Variants in OR2T11 observed in about 807,000 individuals in gnomAD.
OR2T11 encodes the protein olfactory receptor family 2 subfamily T member 11.
Under a neutral mutation model 13.5 loss-of-function variants are expected in OR2T11, and 14 were observed. The observed-to-expected ratio is 1.04, with a 90% CI of 0.69 to 1.62. The LOEUF is 1.62. Ranked by LOEUF, OR2T11 falls within the 40% of genes most tolerant of loss-of-function variation. The probability of loss-of-function intolerance (pLI) is 0.00; values close to 1 mark genes in which losing one functional copy is unlikely to be tolerated. For missense variants in OR2T11, 410 were observed against 389.7 expected (o/e 1.05, Z -0.44); for synonymous variants, 163 against 154.6 (o/e 1.05, Z -0.40).
rs1371222922 is a variant in OR2T11 at position 248,625,615 on chromosome 1, A to G, written c.*563T>C. The G allele has an allele frequency of 1.4e-5, 2 of 145,738 alleles. No individual in the cohort carries two copies. The highest frequency in any genetic ancestry group is 3.0e-5 in the Non-Finnish European group (2 of 67,744). The allele number at this position is 145,738 out of a possible 1,614,324, so 9.0% of individuals were successfully genotyped here. ...AGTTCTGTTCAATTCACCACCATTTATTGTGGCCTAGTATTTGATAGCTGC... is the reference window on the plus strand; with the variant it reads ...AGTTCTGTTCAATTCACCACCATTTGTTGTGGCCTAGTATTTGATAGCTGC... On this transcript the variant is annotated 3_prime_UTR_variant, in exon 2 of 2. Coordinates refer to ENST00000641193, the MANE Select transcript of OR2T11 (RefSeq NM_001001964.2).
rs866384935 is a variant in OR2T11 at position 248,628,921 on chromosome 1, A to G, written c.-144-1649T>C. 7.7e-5 allele frequency among the ~76,000 whole-genome samples: 11 copies of G among 142,602 alleles called. 2 individuals are homozygous for G. The highest frequency in any genetic ancestry group is 1.4e-4 in the African/African-American group (5 of 36,014). The allele number at this position is 142,602 out of a possible 152,430, so 93.6% of individuals were successfully genotyped here. The stretch of plus-strand genomic sequence containing the variant: ...CTCCTGATCGTTTCAATTCTATTCC[A>G]TTTCCCAAGGATAGTGAACACAAAT... On this transcript the variant is annotated intron_variant, in intron 1 of 1. Coordinates refer to ENST00000641193, the MANE Select transcript of OR2T11 (RefSeq NM_001001964.2).
rs189040097 is a variant in OR2T11 at position 248,629,063 on chromosome 1, T to A, written c.-144-1791A>T. Among the ~76,000 whole-genome samples, 589 of 143,550 alleles carry A rather than the reference T, an allele frequency of 4.1e-3. 80 individuals carry two copies. The highest frequency in any genetic ancestry group is 6.5e-3 in the Non-Finnish European group (433 of 66,252). 94.2% of individuals were successfully genotyped at this position (143,550 alleles called of 152,430 possible). On this transcript the variant is annotated intron_variant, in intron 1 of 1. Coordinates refer to ENST00000641193, the MANE Select transcript of OR2T11 (RefSeq NM_001001964.2). ...CCCACACTAAGGAGAAGAGAGCACA[T>A]CTCTTTGTCATATTAAACAAATTCA... is the stretch of plus-strand genomic sequence containing the variant.
In OR2T11 at chr1:248,631,442, A is replaced by AGGC. The variant is rs1382895078; in HGVS notation, c.-145+3593_-145+3595dup. On this transcript the variant is annotated intron_variant, in intron 1 of 1. Transcript: ENST00000641193. ...GAGTCAGGTGGGAGGAGCTGGATCC[A>AGGC]GGCTCAAGGACTCAACTTTTGTTTT... Among the ~76,000 whole-genome samples the AGGC allele has an allele frequency of 8.4e-5, 12 of 142,810 alleles. 1 individual carries two copies. Among genetic ancestry groups the AGGC allele is most frequent in the Non-Finnish European group, 4.5e-5 (3 of 66,168 alleles). The allele number at this position is 142,810 out of a possible 152,430, so 93.7% of individuals were successfully genotyped here. A position where few individuals can be genotyped will look rare whatever the true frequency, so the allele number is the denominator to read the frequency against.
chr1:248,628,884 C>T lies in OR2T11; in HGVS notation c.-144-1612G>A, dbSNP rs553986184. Among the ~76,000 whole-genome samples, 3 of 143,268 alleles carry T rather than the reference C, an allele frequency of 2.1e-5. 1 individual carries two copies. The highest frequency in any genetic ancestry group is 2.0e-4 in the Admixed American group (3 of 14,692). 94.0% of individuals were successfully genotyped at this position (143,268 alleles called of 152,430 possible). On this transcript the variant is annotated intron_variant, in intron 1 of 1. Coordinates refer to ENST00000641193, the MANE Select transcript of OR2T11 (RefSeq NM_001001964.2). ...AAAACTCTACTTCAGTGAGTCTTAG[C>T]CTCCTGATCCACTCCTGATCGTTTC...
At position 248,626,639 on chromosome 1, in the gene OR2T11, G is replaced by A; in HGVS notation, c.490C>T (p.Pro164Ser). The A allele has an allele frequency of 6.4e-7, 1 of 1,572,678 alleles. No individual in the cohort carries two copies. The highest frequency in any genetic ancestry group is 8.6e-7 in the Non-Finnish European group (1 of 1,156,244). Residue 164 changes from proline (P) to serine (S), a missense_variant, in exon 2 of 2, where the codon CCT (proline) becomes TCT (serine). Physicochemically the swap from Pro to Ser is moderately conservative, Grantham distance 74. Transcript: ENST00000641193. ...TTGATACTTCGGGAGCCACAGTAAG[G>A]GACATTCATGGTGATGGGAGTGAGC... ...FLLTPITMNV[P>S]YCGSRSINHF... is the part of the protein sequence containing the mutation.
chr1:248,633,364 T>C (rs986788495), intron 1 of OR2T11, among the ~76,000 whole-genome samples: 4 of 143,512 alleles, frequency 2.8e-5, no homozygotes, highest in Admixed American at 6.8e-5. Context: ...TCCTTACAAC[T>C]GTATTCTCTA....
chr1:248,630,825 G>A (rs2103103247), intron 1 of OR2T11, among the ~76,000 whole-genome samples: 1 of 143,488 alleles, frequency 7.0e-6, no homozygotes, highest in South Asian at 2.2e-4. Context: ...TCTCTTAAGT[G>A]GCAAAAAAGA....
chr1:248,629,803 T>A (rs1365752854), intron 1 of OR2T11, among the ~76,000 whole-genome samples: 1 of 141,974 alleles, frequency 7.0e-6, no homozygotes. Context: ...GGCCATTGCC[T>A]CTGCTGCTCC....
rs1572100504 is a variant in OR2T11 at position 248,625,034 on chromosome 1, A to C, written c.*1144T>G. ...TGAGCTACTGCACCCGGCCTAGCTT[A>C]AATACCTAATAGATATTTCCAAATT... is the stretch of plus-strand genomic sequence containing the variant. On this transcript the variant is annotated 3_prime_UTR_variant, in exon 2 of 2. Coordinates refer to ENST00000641193, the MANE Select transcript of OR2T11 (RefSeq NM_001001964.2). 1.4e-5 allele frequency: 2 copies of C among 144,418 alleles called. 1 individual carries two copies. The highest frequency in any genetic ancestry group is 1.4e-4 in the Admixed American group (2 of 14,810). 8.9% of individuals were successfully genotyped at this position (144,418 alleles called of 1,614,324 possible).
At chr1:248,632,452 T>A (rs1369572233) in intron 1 of OR2T11, among the ~76,000 whole-genome samples, 2 of 135,928 alleles carry the variant, frequency 1.5e-5, no homozygotes, top group South Asian at 2.4e-4. Flanking sequence ...TTCTTAGAAG[T>A]TCCCTAAAGT....
At chr1:248,632,299 G>T (rs150382747) in intron 1 of OR2T11, among the ~76,000 whole-genome samples, 1 of 142,300 alleles carries the variant, frequency 7.0e-6, no homozygotes, top group Admixed American at 6.8e-5. Flanking sequence ...CAACATAATT[G>T]TCCTCGTATC....
At chr1:248,631,985 C>T (rs1660621450) in intron 1 of OR2T11, among the ~76,000 whole-genome samples, 1 of 143,674 alleles carries the variant, frequency 7.0e-6, no homozygotes, top group East Asian at 2.0e-4. Flanking sequence ...GCAGAGTTCA[C>T]TTAAGGAGAA....
rs1333442597 is a variant in OR2T11, at chr1:248,627,078, G to A, written c.51C>T (p.Asn17=). The A allele has an allele frequency of 1.3e-6, 2 of 1,569,948 alleles. No individual in the cohort carries two copies. Among genetic ancestry groups the A allele is most frequent in the African/African-American group, 3.0e-5 (2 of 66,246 alleles). ...TAAATACAATCCCGGCAGCCTCACT[G>A]TTCACCAGAAGCCCCAGGAGGGTGA... ...SDFTLLGLLV[N]SEAAGIVFTV... Residue 17 remains asparagine (N), a synonymous_variant, in exon 2 of 2, where the codon AAC becomes AAT. Transcript: ENST00000641193.
chr1:248,634,551 AT>A (rs1660659382), intron 1 of OR2T11, among the ~76,000 whole-genome samples: 1 of 142,202 alleles, frequency 7.0e-6, no homozygotes, highest in Non-Finnish European at 1.5e-5. Context: ...AAGCTTAAAA[AT>A]GCATCTGGTT....
At position 248,626,489 on chromosome 1, in the gene OR2T11, A is replaced by T. The variant is rs773769091; in HGVS notation, c.640T>A (p.Ser214Thr). 13 of 1,572,816 alleles carry T rather than the reference A, an allele frequency of 8.3e-6. 3 individuals carry two copies. Among genetic ancestry groups the T allele is most frequent in the Non-Finnish European group, 1.1e-5 (13 of 1,156,490 alleles). Residue 214 changes from serine to threonine, a missense_variant, in exon 2 of 2, where the codon TCC (serine) becomes ACC (threonine). Physicochemically the swap from Ser to Thr is moderately conservative, Grantham distance 58. Transcript: ENST00000641193. ...LLIPISIISTSYSLILLTIHR... is the reference protein window; with the variant it reads ...LLIPISIISTTYSLILLTIHR... ...ATGGTTAACAAGATGAGGGAGTAGG[A>T]AGTGGAGATGATAGAGATGGGGATG...
At position 248,624,428 on chromosome 1, in the gene OR2T11, T is replaced by C. The variant is rs1305469935; in HGVS notation, c.*1750A>G. 7.0e-6 allele frequency: 1 copy of C among 143,634 alleles called. No individual in the cohort carries two copies. Among genetic ancestry groups the C allele is most frequent in the African/African-American group, 2.7e-5 (1 of 36,532 alleles). The allele number at this position is 143,634 out of a possible 1,614,324, so 8.9% of individuals were successfully genotyped here. ...CACTAAGGTTACAAGTAACCTTTCA[T>C]GTTGCTAAATACAGTAACCAAATCT... On this transcript the variant is annotated 3_prime_UTR_variant, in exon 2 of 2. Transcript: ENST00000641193.
Position 248,626,718 on chromosome 1 carries a change from C to CT in OR2T11, c.410dup (p.Cys138ValfsTer40), listed in dbSNP as rs1660526554. On this transcript the variant is annotated frameshift_variant, in exon 2 of 2. Coordinates refer to ENST00000641193, the MANE Select transcript of OR2T11 (RefSeq NM_001001964.2). LOFTEE classifies it high-confidence loss of function. ...AGGCACCAGCAGCCAGCAAAAGACA[C>CT]TTCTTGCGGTTCATCAGGACTGGGT... 1.5e-5 allele frequency: 24 copies of CT among 1,573,484 alleles called. 3 individuals are homozygous for CT. The highest frequency in any genetic ancestry group is 2.1e-5 in the Non-Finnish European group (24 of 1,157,086).
rs1660475094 is a variant in OR2T11 at position 248,623,764 on chromosome 1, A to G, written c.*2414T>C. The G allele has an allele frequency of 7.0e-6, 1 of 142,830 alleles. No individual in the cohort carries two copies. Among genetic ancestry groups the G allele is most frequent in the South Asian group, 2.2e-4 (1 of 4,538 alleles). 8.8% of individuals were successfully genotyped at this position (142,830 alleles called of 1,614,324 possible). A position where few individuals can be genotyped will look rare whatever the true frequency, so the allele number is the denominator to read the frequency against. Reference sequence around the variant, plus strand: ...ATTCTAGTTAACATATTGAGTGCCTACTATTTTCTGGCCACCATCCCGAAC... The same window carrying G: ...ATTCTAGTTAACATATTGAGTGCCTGCTATTTTCTGGCCACCATCCCGAAC... On this transcript the variant is annotated 3_prime_UTR_variant, in exon 2 of 2. Transcript: ENST00000641193.
At chr1:248,632,618 T>A (rs1240699887) in intron 1 of OR2T11, among the ~76,000 whole-genome samples, 1 of 124,050 alleles carries the variant, frequency 8.1e-6, no homozygotes, top group Non-Finnish European at 1.7e-5. Context: ...ATTAACGCTG[T>A]TTTTGGCCTC....
Sources: allele counts gnomAD v4.1 joint callset (sites outside exome capture counted in the v4.1 genomes callset), GRCh38; gene constraint gnomAD v4.1.1; transcripts MANE v1.5; gene names NCBI Gene and HGNC (gene_info 2026-07-23, HGNC 2026-07-21).